Variants in APOO observed in about 807,000 individuals in gnomAD.
The protein encoded by APOO is apolipoprotein O.
In APOO, 11 loss-of-function variants were observed where a neutral mutation model predicts 23.1. That is an observed-to-expected ratio of 0.48 (90% CI 0.30 to 0.79). The LOEUF (loss-of-function observed/expected upper bound fraction) is 0.79. Among genes scored for constraint, APOO ranks in the 30% least tolerant of loss-of-function variants. The pLI, the probability that APOO is intolerant of heterozygous loss-of-function variation, is 0.07. For missense variants in APOO, 160 were observed against 142.7 expected (o/e 1.12, Z -0.62); for synonymous variants, 59 against 54.8 (o/e 1.08, Z -0.34).
rs200622657 is a variant in APOO at position 23,858,713 on chromosome X, C to T, written c.409G>A (p.Val137Met). Residue 137 changes from valine (V) to methionine (M), a missense_variant, in exon 6 of 9, where the codon GTG becomes ATG. Coordinates refer to ENST00000379226, the MANE Select transcript of APOO (RefSeq NM_024122.5). ...LARGSKIKKL[V>M]YPPGFMGLAA... is the part of the protein sequence containing the mutation. ...AATCCCATGAAACCAGGCGGATACACTAGCTTCTTTATTTTTGAACCTGAT... is the reference window on the plus strand; with the variant it reads ...AATCCCATGAAACCAGGCGGATACATTAGCTTCTTTATTTTTGAACCTGAT... The T allele has an allele frequency of 8.3e-7, 1 of 1,210,041 alleles. No individual in the cohort carries two copies. Among genetic ancestry groups the T allele is most frequent in the Non-Finnish European group, 1.1e-6 (1 of 894,403 alleles).
intron 8 of APOO, chrX:23,836,978 G>A (rs767838120): frequency 5.8e-6 from 7 of 1,207,291 alleles, no homozygotes; most frequent in South Asian, 3.5e-5. Context: ...AAAAAATTTC[G>A]GATTTCAACA....
intron 4 of APOO, among the ~76,000 whole-genome samples, chrX:23,871,197 C>CAA (rs34502498): frequency 0.017 from 1,381 of 83,586 alleles, 25 homozygotes; most frequent in African/African-American, 0.055. Context: ...CTAAAAATAC[C>CAA]AAAAAAAAAA....
chrX:23,870,401 G>C (rs1174331458), intron 4 of APOO, among the ~76,000 whole-genome samples: 1 of 111,688 alleles, frequency 9.0e-6, no homozygotes. Flanking sequence ...GTCTCCCCAA[G>C]GAGAATGTAA....
chrX:23,889,954 C>T (rs1274452805), intron 1 of APOO, among the ~76,000 whole-genome samples: 1 of 110,638 alleles, frequency 9.0e-6, no homozygotes, highest in African/African-American at 3.3e-5. Context: ...AGCCACCGCG[C>T]CTGGCCCACC....
rs201063083 is a variant in APOO, at chrX:23,834,728, A to AT, written c.*30-1117dup. 8.7e-3 allele frequency among the ~76,000 whole-genome samples: 876 copies of AT among 100,781 alleles called. 12 individuals carry two copies. Among genetic ancestry groups the AT allele is most frequent in the Admixed American group, 0.036 (330 of 9,091 alleles). 87.5% of individuals were successfully genotyped at this position (100,781 alleles called of 115,157 possible). A position where few individuals can be genotyped will look rare whatever the true frequency, so the allele number is the denominator to read the frequency against. On this transcript the variant is annotated intron_variant, in intron 8 of 8. Coordinates refer to ENST00000379226, the MANE Select transcript of APOO (RefSeq NM_024122.5). ...GTCTTCTCCAGATTGCTTTTTTCAT[A>AT]TTTTTTTTTTTTTTGAGATGGAGTC...
At chrX:23,906,858 T>C (rs1927380726) in intron 1 of APOO, among the ~76,000 whole-genome samples, 1 of 111,984 alleles carries the variant, frequency 8.9e-6, no homozygotes, top group African/African-American at 3.2e-5. Context: ...CATGTTCTGA[T>C]TTTACAGCCT....
chrX:23,891,170 G>A lies in APOO; in HGVS notation c.10-10218C>T, dbSNP rs769531054. ...CTCTTCAAGGTTGATGAGTCATGGA[G>A]TAGTCTTTAACTCTCTCCTCTTCTC... is the stretch of plus-strand genomic sequence containing the variant. On this transcript the variant is annotated intron_variant, in intron 1 of 8. Transcript: ENST00000379226. Among the ~76,000 whole-genome samples the A allele has an allele frequency of 2.6e-4, 29 of 111,090 alleles. No individual in the cohort carries two copies. In the East Asian group the frequency reaches 6.0e-3, roughly 23 times the overall value.
chrX:23,864,377 G>C (rs1925243786), intron 5 of APOO, among the ~76,000 whole-genome samples: 1 of 110,135 alleles, frequency 9.1e-6, no homozygotes, highest in African/African-American at 3.3e-5. Context: ...ATCTCGGCTT[G>C]CTGCAACCTC....
At chrX:23,899,542 C>T (rs1243680584) in intron 1 of APOO, among the ~76,000 whole-genome samples, 1 of 111,738 alleles carries the variant, frequency 8.9e-6, no homozygotes, top group Non-Finnish European at 1.9e-5. Context: ...ATTTTTTTGT[C>T]CCTGAAAATA....
chrX:23,856,279 A>T, intron 7 of APOO, 23 bp downstream of exon 7: 7 of 1,182,997 alleles, frequency 5.9e-6, no homozygotes, highest in Non-Finnish European at 8.0e-6. Flanking sequence ...CAAAAGGAAG[A>T]TAATGAAAAA....
chrX:23,862,963 G>T (rs1925152823), intron 5 of APOO, among the ~76,000 whole-genome samples: 1 of 95,472 alleles, frequency 1.0e-5, no homozygotes, highest in African/African-American at 3.8e-5. Flanking sequence ...GAGAAGGAGG[G>T]AGGGAGGGAG....
intron 3 of APOO, among the ~76,000 whole-genome samples, chrX:23,875,495 T>G (rs1372431854): frequency 4.8e-5 from 5 of 104,322 alleles, no homozygotes; most frequent in African/African-American, 1.7e-4. Context: ...CTCGGCTCAC[T>G]GCAACCTCCG....
At chrX:23,892,485 T>C (rs1261853443) in intron 1 of APOO, among the ~76,000 whole-genome samples, 6 of 110,425 alleles carry the variant, frequency 5.4e-5, no homozygotes, top group Non-Finnish European at 5.7e-5. Flanking sequence ...CTCAAACTCC[T>C]TACCTCAGGT....
intron 8 of APOO, among the ~76,000 whole-genome samples, chrX:23,838,450 CT>C (rs1251749277): frequency 9.4e-6 from 1 of 106,301 alleles, no homozygotes; most frequent in East Asian, 3.1e-4. Context: ...GAGTTTCACT[CT>C]TTTTGCCCAG....
intron 5 of APOO, among the ~76,000 whole-genome samples, chrX:23,861,865 G>A (rs1925059625): frequency 9.9e-6 from 1 of 100,982 alleles, no homozygotes; most frequent in East Asian, 3.1e-4. Flanking sequence ...GTGCAGTGGC[G>A]TGATCTCAGC....
intron 7 of APOO, among the ~76,000 whole-genome samples, chrX:23,848,034 G>A (rs1410900878): frequency 1.9e-5 from 2 of 105,716 alleles, no homozygotes; most frequent in Non-Finnish European, 3.9e-5. Context: ...GTGCCACCAC[G>A]CCCAATTTTT....
intron 2 of APOO, among the ~76,000 whole-genome samples, chrX:23,880,088 T>C (rs1336977566): frequency 9.1e-6 from 1 of 109,981 alleles, no homozygotes. Context: ...TAGTATTTAT[T>C]AAGTACATAC....
At chrX:23,897,041 TA>T (rs1281880279) in intron 1 of APOO, among the ~76,000 whole-genome samples, 5 of 111,932 alleles carry the variant, frequency 4.5e-5, no homozygotes, top group African/African-American at 1.6e-4. Flanking sequence ...TGTACTACAG[TA>T]ATTGGTATTT....
intron 1 of APOO, among the ~76,000 whole-genome samples, chrX:23,884,786 T>A (rs766984914): frequency 4.5e-4 from 50 of 111,364 alleles, no homozygotes; most frequent in African/African-American, 1.3e-3. Context: ...AGATTTTAAG[T>A]GACCTTGGGG....
Sources: gnomAD v4.1 joint callset for allele counts (sites outside exome capture counted in the v4.1 genomes callset) on GRCh38, gnomAD v4.1.1 for gene constraint, MANE v1.5 for transcripts, NCBI Gene and HGNC (gene_info 2026-07-23, HGNC 2026-07-21) for gene names.